MFSD2B: variants seen among roughly 807,000 people sequenced by gnomAD.
MFSD2B encodes MFSD2 lysolipid transporter B, sphingolipid.
MFSD2B carries 56 observed loss-of-function variants against 58.4 expected under a neutral mutation model. That is an observed-to-expected ratio of 0.96 (90% CI 0.77 to 1.20). The LOEUF (loss-of-function observed/expected upper bound fraction) is 1.20. MFSD2B is among the 50% of genes most tolerant of loss of function. The pLI is 0.00. For missense variants in MFSD2B, 645 were observed against 667.6 expected (o/e 0.97, Z 0.37); for synonymous variants, 287 against 294.4 (o/e 0.97, Z 0.26).
Position 24,022,059 on chromosome 2 carries a change from T to C in MFSD2B, c.894+89T>C, listed in dbSNP as rs1662811590. 10 of 1,497,606 alleles carry C rather than the reference T, an allele frequency of 6.7e-6. No individual in the cohort carries two copies. Among genetic ancestry groups the C allele is most frequent in the Non-Finnish European group, 8.3e-6 (9 of 1,085,870 alleles). The allele number at this position is 1,497,606 out of a possible 1,614,324, so 92.8% of individuals were successfully genotyped here. A position where few individuals can be genotyped will look rare whatever the true frequency, so the allele number is the denominator to read the frequency against. ...GGGTGCAGTCTTGGCTTGAGTTTTA[T>C]AGGGAGAAACCTGCGGCTGGCACAT... On this transcript the variant is annotated intron_variant, in intron 8 of 13. Coordinates refer to ENST00000338315, the MANE Select transcript of MFSD2B (RefSeq NM_001346880.2). This position sits in a 1 kb window ranked among gnomAD's most constrained non-coding sequence, Gnocchi z 4.5.
chr2:24,025,333 G>A lies in MFSD2B; in HGVS notation c.1491-99G>A, dbSNP rs568213597. ...GGAGTTGAAGAGGAGTTGCTGGGAA[G>A]ACAAGGAGCAGCCACCAAACCTTCC... On this transcript the variant is annotated intron_variant, in intron 13 of 13. Transcript: ENST00000338315. The A allele has an allele frequency of 3.2e-5, 34 of 1,064,070 alleles. No individual in the cohort carries two copies. The African/African-American group carries it at 5.2e-4, about 16-fold the overall frequency. 65.9% of individuals were successfully genotyped at this position (1,064,070 alleles called of 1,614,324 possible).
Position 24,025,613 on chromosome 2 carries a change from C to G in MFSD2B, c.*157C>G. On this transcript the variant is annotated 3_prime_UTR_variant, in exon 14 of 14. Coordinates refer to ENST00000338315, the MANE Select transcript of MFSD2B (RefSeq NM_001346880.2). ...GGCAACGTGTCCTGAAGGGACTGGCCCGCACTCCAGGACCCCACTTGGCAT... is the reference window on the plus strand; with the variant it reads ...GGCAACGTGTCCTGAAGGGACTGGCGCGCACTCCAGGACCCCACTTGGCAT... 1 of 677,948 alleles carries G rather than the reference C, an allele frequency of 1.5e-6. No homozygotes were observed. The allele number at this position is 677,948 out of a possible 1,614,324, so 42.0% of individuals were successfully genotyped here. A position where few individuals can be genotyped will look rare whatever the true frequency, so the allele number is the denominator to read the frequency against.
rs370416564 is a variant in MFSD2B, at chr2:24,015,206, C to G, written c.223-950C>G. ...CACCCAGCACTTTGGGAGGTCAAGG[C>G]GGGAGGACCGTCTAAGCTCAGGTGT... On this transcript the variant is annotated intron_variant, in intron 2 of 13. Coordinates refer to ENST00000338315, the MANE Select transcript of MFSD2B (RefSeq NM_001346880.2). 2.0e-5 allele frequency among the ~76,000 whole-genome samples: 3 copies of G among 151,002 alleles called. No individual in the cohort carries two copies. The East Asian group carries it at 5.8e-4, about 29-fold the overall frequency.
At chr2:24,013,760 G>T (rs201159671) in intron 2 of MFSD2B, among the ~76,000 whole-genome samples, 34 of 139,102 alleles carry the variant, frequency 2.4e-4, no homozygotes, top group East Asian at 6.2e-4. Flanking sequence ...GAATTTTTTT[G>T]TTTTTTTTTT....
At chr2:24,019,282 C>T (rs906713124) in intron 6 of MFSD2B, among the ~76,000 whole-genome samples, 1 of 152,168 alleles carries the variant, frequency 6.6e-6, no homozygotes, top group African/African-American at 2.4e-5. Flanking sequence ...CAGGCCCTAC[C>T]TCAGTCCTCT....
chr2:24,016,812 G>A, intron 3 of MFSD2B, 33 bp from the exon 4 acceptor site: 1 of 1,609,526 alleles, frequency 6.2e-7, no homozygotes, highest in African/African-American at 1.3e-5. Flanking sequence ...GTCTGGGTCG[G>A]GGGGCCGCTC....
rs1427124244 is a variant in MFSD2B at position 24,013,312 on chromosome 2, T to C, written c.124T>C (p.Cys42Arg). The C allele has an allele frequency of 6.2e-7, 1 of 1,608,386 alleles. No homozygotes were observed. Among genetic ancestry groups the C allele is most frequent in the Admixed American group, 1.7e-5 (1 of 59,874 alleles). The part of the protein sequence containing the change: ...EDSRAGRLSF[C>R]TKVCYGIGGV... ...CAGCAGAGCCGGTCGCCTCTCATTCTGTACAAAGGTGTGCTATGGCATTGG... is the reference window on the plus strand; with the variant it reads ...CAGCAGAGCCGGTCGCCTCTCATTCCGTACAAAGGTGTGCTATGGCATTGG... The change falls in exon 2 of 14, where the codon TGT (cysteine) becomes CGT (arginine). Residue 42 changes from cysteine to arginine, a missense_variant. Transcript: ENST00000338315.
Position 24,021,925 on chromosome 2 carries a change from C to A in MFSD2B, c.849C>A (p.Tyr283Ter), listed in dbSNP as rs748157251. Residue 283 changes from tyrosine to a stop codon, truncating the protein, a stop_gained, in exon 8 of 14, where the codon TAC (tyrosine) becomes TAA (stop). Coordinates refer to ENST00000338315, the MANE Select transcript of MFSD2B (RefSeq NM_001346880.2). LOFTEE classifies it high-confidence loss of function. This position sits in a 1 kb window ranked among gnomAD's most constrained non-coding sequence, Gnocchi z 5.7. The part of the protein sequence containing the change: ...GLSLTTRHPP[Y>*]LKLVISFLFI... ...GCCTCACTACCCGGCACCCACCCTA[C>A]CTGAAGCTGGTGATCTCCTTCCTGT... 7 of 1,613,930 alleles carry A rather than the reference C, an allele frequency of 4.3e-6. No homozygotes were observed. The Admixed American group carries it at 5.0e-5, about 12-fold the overall frequency.
In MFSD2B at chr2:24,020,089, A is replaced by C. The variant is rs1311412168; in HGVS notation, c.682-1559A>C. 6.6e-6 allele frequency among the ~76,000 whole-genome samples: 1 copy of C among 152,120 alleles called. No homozygotes were observed. The highest frequency in any genetic ancestry group is 1.5e-5 in the Non-Finnish European group (1 of 68,020). On this transcript the variant is annotated intron_variant, in intron 6 of 13. Coordinates refer to ENST00000338315, the MANE Select transcript of MFSD2B (RefSeq NM_001346880.2). The surrounding 1 kb of genome is among the most constrained non-coding windows in gnomAD (Gnocchi z 4.1). Reference sequence around the variant, plus strand: ...GGACCTGGTGCTAGCTGTCCTGGTGAGGGGGCCTGGGGTGGTGGAGGCTAG... The same window carrying C: ...GGACCTGGTGCTAGCTGTCCTGGTGCGGGGGCCTGGGGTGGTGGAGGCTAG...
rs755403213 is a variant in MFSD2B at position 24,021,665 on chromosome 2, T to G, written c.699T>G (p.Ile233Met). Residue 233 changes from isoleucine to methionine, a missense_variant, in exon 7 of 14, where the codon ATT (isoleucine) becomes ATG (methionine). By Grantham distance (10) the Ile-to-Met change is conservative (BLOSUM62 1). Transcript: ENST00000338315. This position sits in a 1 kb window ranked among gnomAD's most constrained non-coding sequence, Gnocchi z 5.7. Reference protein sequence around the residue: ...VSPNAAHLYCIAAAVVVVTYP... With the variant: ...VSPNAAHLYCMAAAVVVVTYP... ...TCCCACAGGCCCATCTCTACTGCATTGCGGCTGCCGTGGTTGTAGTGACTT... is the reference window on the plus strand; with the variant it reads ...TCCCACAGGCCCATCTCTACTGCATGGCGGCTGCCGTGGTTGTAGTGACTT... 28 of 1,613,058 alleles carry G rather than the reference T, an allele frequency of 1.7e-5. No homozygotes were observed. The highest frequency in any genetic ancestry group is 8.5e-7 in the Non-Finnish European group (1 of 1,179,616).
In MFSD2B at chr2:24,022,850, G is replaced by C. The variant is rs188718007; in HGVS notation, c.1007G>C (p.Trp336Ser). The stretch of plus-strand genomic sequence containing the variant: ...TCAGCCGTGCTGAGCACCCCGCTGT[G>C]GGAGTGGGTTCTCCAGCGCTTTGGG... Reference protein sequence around the residue: ...LVSAVLSTPLWEWVLQRFGKK... With the variant: ...LVSAVLSTPLSEWVLQRFGKK... The change falls in exon 10 of 14, where the codon TGG becomes TCG. Residue 336 changes from tryptophan to serine, a missense_variant. Trp to Ser is a radical substitution (Grantham distance 177). Coordinates refer to ENST00000338315, the MANE Select transcript of MFSD2B (RefSeq NM_001346880.2). The surrounding 1 kb of genome is among the most constrained non-coding windows in gnomAD (Gnocchi z 4.5). The C allele has an allele frequency of 1.3e-3, 2,021 of 1,609,854 alleles. 27 individuals are homozygous for C. The Admixed American group carries it at 0.025, about 20-fold the overall frequency.
chr2:24,017,503 A>G lies in MFSD2B; in HGVS notation c.596A>G (p.His199Arg). 1 of 1,595,102 alleles carries G rather than the reference A, an allele frequency of 6.3e-7. No homozygotes were observed. The highest frequency in any genetic ancestry group is 8.5e-7 in the Non-Finnish European group (1 of 1,171,046). The change falls in exon 6 of 14, where the codon CAC becomes CGC. Residue 199 changes from histidine to arginine, a missense_variant. Physicochemically the swap from His to Arg is conservative, Grantham distance 29. Transcript: ENST00000338315. This position sits in a 1 kb window ranked among gnomAD's most constrained non-coding sequence, Gnocchi z 4.8. ...MAGTLMGATV[H>R]GLIVSGAHRP... is the part of the protein sequence containing the mutation. Reference sequence around the variant, plus strand: ...GGAACACTGATGGGGGCCACTGTCCACGGGCTCATCGTGTCCGGCGCCCAC... The same window carrying G: ...GGAACACTGATGGGGGCCACTGTCCGCGGGCTCATCGTGTCCGGCGCCCAC...
chr2:24,010,500 C>T (rs1192953054), intron 1 of MFSD2B, among the ~76,000 whole-genome samples: 3 of 152,230 alleles, frequency 2.0e-5, no homozygotes, highest in Non-Finnish European at 2.9e-5. Context: ...CCGGGGTCCC[C>T]GAGCTCTGGG....
intron 6 of MFSD2B, chr2:24,018,307 C>T (rs1709233877): frequency 5.9e-6 from 1 of 169,844 alleles, no homozygotes; most frequent in African/African-American, 2.4e-5. Flanking sequence ...CCACTACCTC[C>T]CTCTCCACCC....
chr2:24,023,220 G>A lies in MFSD2B; in HGVS notation c.1150G>A (p.Val384Met). ...CTTTGTATCTGGCGTGAGCATTGCT[G>A]TGTCCTTGCTGCTACCCTGGTAGGC... ...VAFVSGVSIA[V>M]SLLLPWSMLP... is the part of the protein sequence containing the mutation. The change falls in exon 11 of 14, where the codon GTG becomes ATG. Residue 384 changes from valine to methionine, a missense_variant. Coordinates refer to ENST00000338315, the MANE Select transcript of MFSD2B (RefSeq NM_001346880.2). The surrounding 1 kb of genome is among the most constrained non-coding windows in gnomAD (Gnocchi z 5.0). 2.5e-6 allele frequency: 4 copies of A among 1,613,540 alleles called. No homozygotes were observed. The highest frequency in any genetic ancestry group is 3.4e-6 in the Non-Finnish European group (4 of 1,179,738).
At chr2:24,019,930 TC>T (rs1378858339) in intron 6 of MFSD2B, among the ~76,000 whole-genome samples, 1 of 152,182 alleles carries the variant, frequency 6.6e-6, no homozygotes, top group Non-Finnish European at 1.5e-5. Flanking sequence ...AGACTGACTC[TC>T]CCTGCACTCA....
At position 24,017,952 on chromosome 2, in the gene MFSD2B, T is replaced by C. The variant is rs1709220686; in HGVS notation, c.681+364T>C. 6.6e-6 allele frequency among the ~76,000 whole-genome samples: 1 copy of C among 151,978 alleles called. No homozygotes were observed. The highest frequency in any genetic ancestry group is 1.5e-5 in the Non-Finnish European group (1 of 67,980). ...CTCGCAGAGCCCTGGGTAAAGCCCTTCCTATGACCCATGCCCCCTCCCCCA... is the reference window on the plus strand; with the variant it reads ...CTCGCAGAGCCCTGGGTAAAGCCCTCCCTATGACCCATGCCCCCTCCCCCA... On this transcript the variant is annotated intron_variant, in intron 6 of 13. Transcript: ENST00000338315. The surrounding 1 kb of genome is among the most constrained non-coding windows in gnomAD (Gnocchi z 4.8).
rs1403322687 is a variant in MFSD2B, at chr2:24,021,935, G to T, written c.859G>T (p.Val287Leu). The change falls in exon 8 of 14, where the codon GTG (valine) becomes TTG (leucine). Residue 287 changes from valine to leucine, a missense_variant. Coordinates refer to ENST00000338315, the MANE Select transcript of MFSD2B (RefSeq NM_001346880.2). The surrounding 1 kb of genome is among the most constrained non-coding windows in gnomAD (Gnocchi z 5.7). ...TTRHPPYLKL[V>L]ISFLFISAAV... The stretch of plus-strand genomic sequence containing the variant: ...CCGGCACCCACCCTACCTGAAGCTG[G>T]TGATCTCCTTCCTGTTCATCTCTGC... 1.2e-6 allele frequency: 2 copies of T among 1,614,046 alleles called. No homozygotes were observed. The highest frequency in any genetic ancestry group is 2.2e-5 in the East Asian group (1 of 44,894).
rs1200872136 is a variant in MFSD2B, at chr2:24,022,176, T to C, written c.894+206T>C. ...TGGGCACTAGGAGGCTGACAATGTC[T>C]GGGCGGTTTCCTCTCACATTACCTG... On this transcript the variant is annotated intron_variant, in intron 8 of 13. Transcript: ENST00000338315. The surrounding 1 kb of genome is among the most constrained non-coding windows in gnomAD (Gnocchi z 4.5). 6.6e-6 allele frequency among the ~76,000 whole-genome samples: 1 copy of C among 152,112 alleles called. No individual in the cohort carries two copies. Among genetic ancestry groups the C allele is most frequent in the Non-Finnish European group, 1.5e-5 (1 of 68,010 alleles).
Sources: allele counts gnomAD v4.1 joint callset (sites outside exome capture counted in the v4.1 genomes callset), GRCh38; gene constraint gnomAD v4.1.1; non-coding constraint Gnocchi (gnomAD v3.1); transcripts MANE v1.5; gene names NCBI Gene and HGNC (gene_info 2026-07-23, HGNC 2026-07-21).